The following PRDM16 variants were observed in gnomAD, a reference collection of about 807,000 sequenced individuals.
PRDM16 encodes PR/SET domain 16.
PRDM16 carries 23 observed loss-of-function variants against 110.6 expected under a neutral mutation model. That is an observed-to-expected ratio of 0.21 (90% CI 0.15 to 0.29). PRDM16 has a LOEUF of 0.29. PRDM16 is among the 10% of genes least tolerant of loss of function. The pLI is 1.00. For missense variants in PRDM16, 1,615 were observed against 1,794.3 expected (o/e 0.90, Z 1.81); for synonymous variants, 799 against 781.8 (o/e 1.02, Z -0.37).
intron 3 of PRDM16, among the ~76,000 whole-genome samples, chr1:3,323,931 G>A (rs1458554728): frequency 2.0e-5 from 3 of 152,186 alleles, no homozygotes; most frequent in South Asian, 4.1e-4. Context: ...TGCGGGCAGC[G>A]GACGGGGCTG....
chr1:3,324,455 G>A (rs1480608625), intron 3 of PRDM16, among the ~76,000 whole-genome samples: 5 of 152,158 alleles, frequency 3.3e-5, no homozygotes, highest in African/African-American at 7.2e-5. Flanking sequence ...CAGGGTCCTC[G>A]GACACAGACC....
At chr1:3,228,980 A>G (rs1292264209) in intron 2 of PRDM16, among the ~76,000 whole-genome samples, 1 of 152,208 alleles carries the variant, frequency 6.6e-6, no homozygotes, top group Non-Finnish European at 1.5e-5. Flanking sequence ...TCCCAGCCCT[A>G]AGAATAAAGT....
intron 2 of PRDM16, among the ~76,000 whole-genome samples, chr1:3,215,528 G>A (rs1351738939): frequency 6.6e-6 from 1 of 151,904 alleles, no homozygotes; most frequent in Non-Finnish European, 1.5e-5. Flanking sequence ...GAAGGTGGGG[G>A]CCCTGCCTAT....
chr1:3,391,933 C>G (rs1177067862), intron 4 of PRDM16, among the ~76,000 whole-genome samples: 1 of 152,258 alleles, frequency 6.6e-6, no homozygotes. Flanking sequence ...GGCATCATCA[C>G]TACGACATGC....
chr1:3,146,301 CTT>C (rs1643651480), intron 1 of PRDM16, among the ~76,000 whole-genome samples: 2 of 152,258 alleles, frequency 1.3e-5, no homozygotes, highest in African/African-American at 4.8e-5. Flanking sequence ...GCCACATTCT[CTT>C]TGAAAAAGAT....
intron 4 of PRDM16, among the ~76,000 whole-genome samples, chr1:3,393,389 C>T (rs1006203531): frequency 3.9e-5 from 6 of 152,232 alleles, no homozygotes; most frequent in African/African-American, 1.4e-4. Flanking sequence ...CAGACTTCTC[C>T]CACCATGCTG....
intron 1 of PRDM16, among the ~76,000 whole-genome samples, chr1:3,117,094 G>T (rs1642979828): frequency 6.6e-6 from 1 of 152,244 alleles, no homozygotes; most frequent in Admixed American, 6.5e-5. Flanking sequence ...CCTATCGGGG[G>T]CTGCTTCCTC....
intron 3 of PRDM16, among the ~76,000 whole-genome samples, chr1:3,322,187 G>GT (rs1641772872): frequency 6.6e-6 from 1 of 151,274 alleles, no homozygotes; most frequent in South Asian, 2.1e-4. Context: ...CACTGTGTGT[G>GT]TGAGAGTGGG....
chr1:3,410,758 C>A (rs569652117), intron 8 of PRDM16, among the ~76,000 whole-genome samples: 15 of 152,224 alleles, frequency 9.9e-5, no homozygotes, highest in African/African-American at 3.6e-4. Context: ...AAAGTGAAGA[C>A]GAAGGCAGGG....
chr1:3,310,890 TGA>T lies in PRDM16; in HGVS notation c.438+66756_438+66757del, dbSNP rs564329185. On this transcript the variant is annotated intron_variant, in intron 3 of 16. Transcript: ENST00000270722. ...GTGCATGTGTGGGCATGCGTGTGTG[TGA>T]GACATGTGGGCATGTGTGGGCACGT... 1.6e-4 allele frequency among the ~76,000 whole-genome samples: 24 copies of T among 149,502 alleles called. No individual in the cohort carries two copies. In the South Asian group the frequency reaches 4.2e-3, roughly 26 times the overall value.
chr1:3,412,828 C>T (rs914208302), intron 9 of PRDM16, 28 bp downstream of exon 9: 22 of 1,427,282 alleles, frequency 1.5e-5, no homozygotes, highest in Admixed American at 3.0e-5. Flanking sequence ...CTCACTGGCT[C>T]TCCCTGGGGC....
chr1:3,242,607 G>T (rs1639701114), intron 2 of PRDM16, among the ~76,000 whole-genome samples: 1 of 152,188 alleles, frequency 6.6e-6, no homozygotes, highest in South Asian at 2.1e-4. Flanking sequence ...CCATCTAGGT[G>T]CCTGAATCTA....
chr1:3,431,071 G>T lies in PRDM16; in HGVS notation c.3484G>T (p.Ala1162Ser). The T allele has an allele frequency of 6.4e-7, 1 of 1,553,548 alleles. No homozygotes were observed. The highest frequency in any genetic ancestry group is 1.4e-5 in the African/African-American group (1 of 73,398). Residue 1162 changes from alanine (A) to serine (S), a missense_variant, in exon 15 of 17, where the codon GCC becomes TCC. By Grantham distance (99) the Ala-to-Ser change is moderately conservative (BLOSUM62 1). Coordinates refer to ENST00000270722, the MANE Select transcript of PRDM16 (RefSeq NM_022114.4). ...AYEDEEDEEP[A>S]ASLAVGFDHT... ...CGAGGATGAGGAGGATGAGGAGCCA[G>T]CCGCCTCCCTGGCCGTGGGCTTTGA... is the stretch of plus-strand genomic sequence containing the variant.
intron 1 of PRDM16, among the ~76,000 whole-genome samples, chr1:3,169,890 G>A (rs912904538): frequency 6.6e-6 from 1 of 152,224 alleles, no homozygotes; most frequent in East Asian, 1.9e-4. Flanking sequence ...TTAATAGCGG[G>A]GGGACTGTCG....
rs1050316970 is a variant in PRDM16 at position 3,438,217 on chromosome 1, C to T, written c.*4406C>T. The T allele has an allele frequency of 6.9e-5, 14 of 202,886 alleles. No homozygotes were observed. Among genetic ancestry groups the T allele is most frequent in the Admixed American group, 1.8e-4 (3 of 16,676 alleles). The allele number at this position is 202,886 out of a possible 1,614,324, so 12.6% of individuals were successfully genotyped here. A position where few individuals can be genotyped will look rare whatever the true frequency, so the allele number is the denominator to read the frequency against. On this transcript the variant is annotated 3_prime_UTR_variant, in exon 17 of 17. Transcript: ENST00000270722. ...TAAACTGTGCATGACTCCTGCTTAG[C>T]GGTCATTATCGTGTCTGTTGGTGAA...
At chr1:3,077,735 C>G (rs1359507172) in intron 1 of PRDM16, among the ~76,000 whole-genome samples, 3 of 152,120 alleles carry the variant, frequency 2.0e-5, no homozygotes, top group African/African-American at 7.2e-5. Context: ...GGTGGGTGTG[C>G]AGGCTGCAGG....
At chr1:3,140,960 C>T (rs1643539340) in intron 1 of PRDM16, among the ~76,000 whole-genome samples, 1 of 152,188 alleles carries the variant, frequency 6.6e-6, no homozygotes, top group African/African-American at 2.4e-5. Flanking sequence ...CGATACGGAT[C>T]CCTTTTCCCC....
At chr1:3,365,898 G>T (rs917672367) in intron 3 of PRDM16, among the ~76,000 whole-genome samples, 4 of 151,732 alleles carry the variant, frequency 2.6e-5, no homozygotes, top group African/African-American at 9.7e-5. Context: ...AGGGATGCAC[G>T]TGCACACACA....
intron 3 of PRDM16, among the ~76,000 whole-genome samples, chr1:3,355,067 G>A (rs558484974): frequency 6.7e-4 from 102 of 152,252 alleles, no homozygotes; most frequent in African/African-American, 2.4e-3. Context: ...CTGCTGCCCT[G>A]AGACCAGGCC....
Sources: gnomAD v4.1 joint callset for allele counts (sites outside exome capture counted in the v4.1 genomes callset) on GRCh38, gnomAD v4.1.1 for gene constraint, MANE v1.5 for transcripts, NCBI Gene and HGNC (gene_info 2026-07-23, HGNC 2026-07-21) for gene names.